Variants in EPHA3 observed in about 807,000 individuals in gnomAD.
The protein encoded by EPHA3 is ephrin type-A receptor 3.
EPHA3 carries 42 observed loss-of-function variants against 107.1 expected under a neutral mutation model. That is an observed-to-expected ratio of 0.39 (90% confidence interval 0.31 to 0.51). EPHA3 has a LOEUF of 0.51. EPHA3 is among the 20% of genes least tolerant of loss of function. EPHA3 has a pLI of 0.78. For synonymous variants in EPHA3, 461 were observed against 424.8 expected (o/e 1.09, Z -1.05); for missense variants, 1,183 against 1,211.2 (o/e 0.98, Z 0.35).
chr3:89,416,970 G>A (rs1315861079), intron 10 of EPHA3, among the ~76,000 whole-genome samples: 1 of 151,294 alleles, frequency 6.6e-6, no homozygotes, highest in Non-Finnish European at 1.5e-5. Flanking sequence ...ATAGAATTTG[G>A]CATTTTATAA....
At chr3:89,409,217 A>G (rs1411892209) in intron 9 of EPHA3, among the ~76,000 whole-genome samples, 1 of 152,100 alleles carries the variant, frequency 6.6e-6, no homozygotes, top group Admixed American at 6.6e-5. Context: ...TAAAATCAAC[A>G]TCACATCAGT....
At chr3:89,226,393 C>A (rs1323126336) in intron 3 of EPHA3, among the ~76,000 whole-genome samples, 22 of 152,084 alleles carry the variant, frequency 1.4e-4, no homozygotes, top group Admixed American at 3.3e-4. Flanking sequence ...AGGGATAAAT[C>A]CTTACTATGG....
chr3:89,315,948 C>T (rs1706888671), intron 3 of EPHA3, among the ~76,000 whole-genome samples: 2 of 151,800 alleles, frequency 1.3e-5, no homozygotes, highest in Admixed American at 6.6e-5. Flanking sequence ...AAGGGACAGC[C>T]TGAGTGTGGT....
At chr3:89,384,080 T>C (rs973827505) in intron 5 of EPHA3, among the ~76,000 whole-genome samples, 40 of 152,270 alleles carry the variant, frequency 2.6e-4, no homozygotes, top group African/African-American at 8.7e-4. Context: ...GAGCCATCTA[T>C]ACTGAGATAA....
At chr3:89,317,722 A>G (rs1224767788) in intron 3 of EPHA3, among the ~76,000 whole-genome samples, 2 of 151,778 alleles carry the variant, frequency 1.3e-5, no homozygotes, top group African/African-American at 4.8e-5. Context: ...AATATATTCT[A>G]TCCATTCAAT....
intron 2 of EPHA3, among the ~76,000 whole-genome samples, chr3:89,166,465 T>A (rs1439065995): frequency 5.9e-5 from 9 of 152,182 alleles, no homozygotes; most frequent in African/African-American, 2.2e-4. Context: ...AGTCTTTAAA[T>A]TATAATAATT....
At chr3:89,376,582 A>G (rs1261377512) in intron 5 of EPHA3, among the ~76,000 whole-genome samples, 1 of 151,946 alleles carries the variant, frequency 6.6e-6, no homozygotes, top group East Asian at 1.9e-4. Context: ...TTCATCAAAT[A>G]TTTGTGCCCA....
intron 5 of EPHA3, among the ~76,000 whole-genome samples, chr3:89,392,202 G>A (rs1325395848): frequency 6.6e-6 from 1 of 152,154 alleles, no homozygotes; most frequent in Non-Finnish European, 1.5e-5. Context: ...AATTTAGGGA[G>A]GCTGAGGCAG....
chr3:89,369,254 A>C (rs1189618310), intron 5 of EPHA3, among the ~76,000 whole-genome samples: 1 of 150,978 alleles, frequency 6.6e-6, no homozygotes, highest in African/African-American at 2.4e-5. Flanking sequence ...AAAATATACT[A>C]CAAGGCTATA....
At chr3:89,419,438 G>T (rs1404548917) in intron 11 of EPHA3, 48 bp downstream of exon 11, 26 of 1,479,496 alleles carry the variant, frequency 1.8e-5, no homozygotes, top group Non-Finnish European at 2.3e-5. Context: ...TTGAGCAAAG[G>T]TTGTTTAAAC....
intron 3 of EPHA3, among the ~76,000 whole-genome samples, chr3:89,297,755 C>G (rs1303071798): frequency 6.6e-6 from 1 of 151,974 alleles, no homozygotes; most frequent in East Asian, 1.9e-4. Flanking sequence ...AATATGTTGG[C>G]CAGGCATGGT....
intron 1 of EPHA3, among the ~76,000 whole-genome samples, chr3:89,114,814 C>G (rs998259543): frequency 3.3e-5 from 5 of 152,204 alleles, no homozygotes; most frequent in Non-Finnish European, 7.3e-5. Flanking sequence ...TGGGAGAGCA[C>G]GGCGTACTCC....
rs908509661 is a variant in EPHA3, at chr3:89,442,684, G to A, written c.2347-6541G>A. 3.9e-5 allele frequency among the ~76,000 whole-genome samples: 6 copies of A among 152,158 alleles called. No homozygotes were observed. In the South Asian group the frequency reaches 8.3e-4, roughly 21 times the overall value. On this transcript the variant is annotated intron_variant, in intron 13 of 16. Coordinates refer to ENST00000336596, the MANE Select transcript of EPHA3 (RefSeq NM_005233.6). The stretch of plus-strand genomic sequence containing the variant: ...CAAAGAATGGGAGTGGGGATCAAAT[G>A]TTTCTCTCAGGTACTTTCTATTTTT...
At position 89,147,009 on chromosome 3, in the gene EPHA3, GA is replaced by G. The variant is rs1355968983; in HGVS notation, c.153+19742del. Reference sequence around the variant, plus strand: ...CACAATGGAATACCATGCAGCCATAGAAAAAATGAGTCCATGTCCTTTGCAG... The same window carrying G: ...CACAATGGAATACCATGCAGCCATAGAAAAATGAGTCCATGTCCTTTGCAG... On this transcript the variant is annotated intron_variant, in intron 2 of 16. Transcript: ENST00000336596. 2.0e-5 allele frequency among the ~76,000 whole-genome samples: 3 copies of G among 151,730 alleles called. No homozygotes were observed. In the East Asian group the frequency reaches 5.8e-4, roughly 30 times the overall value.
At chr3:89,435,969 AT>A (rs1256068519) in intron 13 of EPHA3, among the ~76,000 whole-genome samples, 2 of 150,770 alleles carry the variant, frequency 1.3e-5, no homozygotes, top group African/African-American at 2.4e-5. Flanking sequence ...AATAATAATA[AT>A]TAATTAATAA....
At chr3:89,173,276 T>C (rs1312893972) in intron 2 of EPHA3, among the ~76,000 whole-genome samples, 2 of 152,126 alleles carry the variant, frequency 1.3e-5, no homozygotes, top group Non-Finnish European at 2.9e-5. Flanking sequence ...AGAGGTATTC[T>C]ATACGCATAA....
At chr3:89,126,879 T>C (rs1704106893) in intron 1 of EPHA3, among the ~76,000 whole-genome samples, 1 of 151,814 alleles carries the variant, frequency 6.6e-6, no homozygotes, top group South Asian at 2.1e-4. Context: ...TTTGATATGC[T>C]AGCATTAATG....
rs2107344959 is a variant in EPHA3 at position 89,300,527 on chromosome 3, T to G, written c.815-40389T>G. The stretch of plus-strand genomic sequence containing the variant: ...GAGAAAATGGGGGGACTGAATTACT[T>G]AGTACATGCTATGTTACAGACACCA... On this transcript the variant is annotated intron_variant, in intron 3 of 16. Coordinates refer to ENST00000336596, the MANE Select transcript of EPHA3 (RefSeq NM_005233.6). Among the ~76,000 whole-genome samples, 5 of 152,098 alleles carry G rather than the reference T, an allele frequency of 3.3e-5. No individual in the cohort carries two copies. The Middle Eastern group carries it at 0.014, about 414-fold the overall frequency.
intron 7 of EPHA3, 75 bp from the exon 8 acceptor site, chr3:89,407,194 A>G: frequency 9.9e-7 from 1 of 1,006,218 alleles, no homozygotes; most frequent in Non-Finnish European, 1.6e-6. Context: ...TAATTAATGA[A>G]TCAATCAACT....
Sources: gnomAD v4.1 joint callset for allele counts (sites outside exome capture counted in the v4.1 genomes callset) on GRCh38, gnomAD v4.1.1 for gene constraint, MANE v1.5 for transcripts, NCBI Gene and HGNC (gene_info 2026-07-23, HGNC 2026-07-21) for gene names.